TENM1: variants seen among roughly 807,000 people sequenced by gnomAD.
TENM1 encodes the protein teneurin transmembrane protein 1.
A neutral mutation model predicts 174.8 loss-of-function variants in TENM1; 35 were observed. The ratio of observed to expected loss-of-function variants is 0.20; its 90% confidence interval spans 0.15 to 0.27. The LOEUF is 0.27. TENM1 is among the 10% of genes least tolerant of loss of function. The probability of loss-of-function intolerance (pLI) is 1.00; values close to 1 mark genes in which losing one functional copy is unlikely to be tolerated. For missense variants in TENM1, 1,633 were observed against 2,130.1 expected (o/e 0.77, Z 4.59); for synonymous variants, 781 against 798.7 (o/e 0.98, Z 0.37).
intron 15 of TENM1, among the ~76,000 whole-genome samples, chrX:124,541,513 G>A (rs913546001): frequency 8.9e-6 from 1 of 112,044 alleles, no homozygotes; most frequent in Non-Finnish European, 1.9e-5. Context: ...GCTTCCCGAG[G>A]CATCACCAGA....
At chrX:124,691,983 G>A (rs2052536804) in intron 5 of TENM1, among the ~76,000 whole-genome samples, 1 of 111,392 alleles carries the variant, frequency 9.0e-6, no homozygotes, top group African/African-American at 3.3e-5. Flanking sequence ...AGATAGAAGG[G>A]CTTTTCTGGT....
intron 3 of TENM1, among the ~76,000 whole-genome samples, chrX:124,862,609 A>T (rs2056934523): frequency 9.0e-6 from 1 of 111,437 alleles, no homozygotes; most frequent in East Asian, 2.8e-4. Flanking sequence ...CTGATCTCAG[A>T]GGTCCAAACT....
chrX:125,020,675 C>T, the TENM1 span, among the ~76,000 whole-genome samples: 2 of 110,716 alleles, frequency 1.8e-5, no homozygotes, highest in Non-Finnish European at 3.8e-5. Context: ...ATTTAAATCA[C>T]CATTTCACTT....
chrX:124,692,454 A>T (rs1052228339), intron 5 of TENM1, among the ~76,000 whole-genome samples: 122 of 110,735 alleles, frequency 1.1e-3, no homozygotes, highest in African/African-American at 3.6e-3. Context: ...ATTATTAATA[A>T]TTACTATTAT....
rs955822315 is a variant in TENM1 at position 124,765,847 on chromosome X, G to A, written c.536-28650C>T. Among the ~76,000 whole-genome samples the A allele has an allele frequency of 4.5e-5, 5 of 111,749 alleles. No homozygotes were observed. In the Admixed American group the frequency reaches 4.8e-4, roughly 11 times the overall value. On this transcript the variant is annotated intron_variant, in intron 3 of 31. Coordinates refer to ENST00000422452, the Ensembl canonical transcript of TENM1. ...GAGGCCAAAAACATACACTCTACTT[G>A]AACTTATGTCATTTACTCATAACGA... is the stretch of plus-strand genomic sequence containing the variant.
chrX:124,558,000 G>C (rs779042533), intron 14 of TENM1, among the ~76,000 whole-genome samples: 2 of 112,033 alleles, frequency 1.8e-5, no homozygotes, highest in Non-Finnish European at 3.8e-5. Flanking sequence ...CTTGATTAAA[G>C]AGATGAATGA....
upstream of TENM1, among the ~76,000 whole-genome samples, chrX:124,965,292 G>A (rs919375472): frequency 1.8e-5 from 2 of 111,384 alleles, no homozygotes; most frequent in African/African-American, 6.5e-5. Context: ...AGTTAGCCAG[G>A]ATGGTCTCGA....
Position 124,382,793 on chromosome X carries a change from C to T in TENM1, c.7317G>A (p.Glu2439=), listed in dbSNP as rs150998204. The change falls in exon 31 of 32, where the codon GAG becomes GAA. Residue 2439 remains glutamate (E), a synonymous_variant. Transcript: ENST00000422452. ...CATTGTGTAATTGGAAACCAAATAG[C>T]TCCAACCAACTTCTGATGTCTGTGA... 9.5e-5 allele frequency: 114 copies of T among 1,195,840 alleles called. No homozygotes were observed. In the African/African-American group the frequency reaches 1.0e-3, roughly 10 times the overall value.
At chrX:125,009,159 G>C in the TENM1 span, among the ~76,000 whole-genome samples, 1 of 97,001 alleles carries the variant, frequency 1.0e-5, no homozygotes, top group African/African-American at 3.8e-5. Context: ...AATAAGGAAA[G>C]AGAGAAGAGT....
At chrX:124,747,397 A>AAT (rs58080141) in intron 3 of TENM1, among the ~76,000 whole-genome samples, 18,542 of 107,655 alleles carry the variant, frequency 0.17, 2,369 homozygotes, top group African/African-American at 0.44. Context: ...TGAAGCTGTG[A>AAT]ATATGAGACT....
intron 12 of TENM1, among the ~76,000 whole-genome samples, chrX:124,564,425 T>A (rs2048895744): frequency 8.9e-6 from 1 of 111,764 alleles, no homozygotes; most frequent in African/African-American, 3.2e-5. Context: ...TGTAGTATAG[T>A]CTAGTGAGGG....
At chrX:124,860,792 C>G (rs1040431432) in intron 3 of TENM1, among the ~76,000 whole-genome samples, 1 of 111,702 alleles carries the variant, frequency 9.0e-6, no homozygotes, top group Non-Finnish European at 1.9e-5. Flanking sequence ...GAGAAAACCA[C>G]TTTTCTCCTG....
At chrX:124,474,112 A>G (rs1213658951) in intron 22 of TENM1, among the ~76,000 whole-genome samples, 1 of 111,397 alleles carries the variant, frequency 9.0e-6, no homozygotes, top group African/African-American at 3.3e-5. Flanking sequence ...CTTCCTTCCA[A>G]AGTAACTTAT....
chrX:124,876,601 A>G (rs2057207962), intron 3 of TENM1, among the ~76,000 whole-genome samples: 1 of 112,190 alleles, frequency 8.9e-6, no homozygotes, highest in Non-Finnish European at 1.9e-5. Context: ...CTGTTAAAAC[A>G]TTTAAGTAGC....
the TENM1 span, among the ~76,000 whole-genome samples, chrX:125,191,987 A>G: frequency 9.1e-6 from 1 of 109,608 alleles, no homozygotes; most frequent in African/African-American, 3.3e-5. Flanking sequence ...GTAAGGACAC[A>G]GGGTACTTCC....
chrX:124,520,786 TG>T lies in TENM1; in HGVS notation c.3034-3del. On this transcript the variant is annotated splice_polypyrimidine_tract_variant and splice_region_variant and intron_variant, in intron 17 of 31. Coordinates refer to ENST00000422452, the Ensembl canonical transcript of TENM1. ...AATGGGAATTTCCTCCTGTACAACC[TG>T]AAATAAAAAAAAAAAAAAAAAGCCA... The T allele has an allele frequency of 3.7e-6, 4 of 1,084,026 alleles. No homozygotes were observed. 89.3% of individuals were successfully genotyped at this position (1,084,026 alleles called of 1,213,427 possible). A position where few individuals can be genotyped will look rare whatever the true frequency, so the allele number is the denominator to read the frequency against.
chrX:124,521,047 A>G (rs976390931), intron 17 of TENM1, among the ~76,000 whole-genome samples: 5 of 111,774 alleles, frequency 4.5e-5, no homozygotes, highest in Admixed American at 2.8e-4. Flanking sequence ...AGATTGTGTA[A>G]GGAACAATTT....
chrX:124,513,829 A>G (rs1033799247), intron 18 of TENM1, among the ~76,000 whole-genome samples: 1 of 112,240 alleles, frequency 8.9e-6, no homozygotes, highest in Admixed American at 9.5e-5. Flanking sequence ...CTCACAATCC[A>G]TCTTCAGAGT....
chrX:124,392,483 T>C lies in TENM1; in HGVS notation c.5392-135A>G, dbSNP rs2076163. The stretch of plus-strand genomic sequence containing the variant: ...CCTCTGAAGCCTCACGGCTTCACAT[T>C]CCACAGATGCCACCTGTCTTTATTC... On this transcript the variant is annotated intron_variant, in intron 27 of 31. Coordinates refer to ENST00000422452, the Ensembl canonical transcript of TENM1. The C allele has an allele frequency of 0.13, 63,722 of 480,972 alleles. 3,529 individuals carry two copies. The highest frequency in any genetic ancestry group is 0.31 in the East Asian group (8,590 of 28,065). 39.6% of individuals were successfully genotyped at this position (480,972 alleles called of 1,213,427 possible). A position where few individuals can be genotyped will look rare whatever the true frequency, so the allele number is the denominator to read the frequency against.
Sources: gnomAD v4.1 joint callset for allele counts (sites outside exome capture counted in the v4.1 genomes callset) on GRCh38, gnomAD v4.1.1 for gene constraint, MANE v1.5 for transcripts, NCBI Gene and HGNC (gene_info 2026-07-23, HGNC 2026-07-21) for gene names.